CCNK: variants seen among roughly 807,000 people sequenced by gnomAD.
CCNK encodes the protein cyclin-K.
A neutral mutation model predicts 65.0 loss-of-function variants in CCNK; 9 were observed. That is an observed-to-expected ratio of 0.14 (90% CI 0.08 to 0.24). CCNK has a LOEUF of 0.24. Ranked by LOEUF, CCNK falls within the 10% of genes least tolerant of loss-of-function variation. The probability of loss-of-function intolerance (pLI) is 1.00; values close to 1 mark genes in which losing one functional copy is unlikely to be tolerated. For missense variants in CCNK, 474 were observed against 720.0 expected (o/e 0.66, Z 3.91); for synonymous variants, 279 against 270.8 (o/e 1.03, Z -0.30).
At chr14:99,481,816 A>C (rs915666256) in intron 1 of CCNK, among the ~76,000 whole-genome samples, 2 of 152,244 alleles carry the variant, frequency 1.3e-5, no homozygotes, top group Admixed American at 1.3e-4. Flanking sequence ...TCTCACAGCC[A>C]CAGACTTCTC....
At position 99,492,767 on chromosome 14, in the gene CCNK, C is replaced by T. The variant is rs1595308026; in HGVS notation, c.90C>T (p.Asp30=). 6.2e-7 allele frequency: 1 copy of T among 1,613,528 alleles called. No homozygotes were observed. Among genetic ancestry groups the T allele is most frequent in the East Asian group, 2.2e-5 (1 of 44,856 alleles). ...TKPCWYWDKK[D]LAHTPSQLEG... is the part of the protein sequence containing the mutation. ...CATGTTGGTACTGGGATAAGAAAGA[C>T]TTGGCTCATACACCCTCACAACTTG... The change falls in exon 2 of 11, where the codon GAC becomes GAT. Residue 30 remains aspartate (D), a synonymous_variant. Transcript: ENST00000389879.
intron 6 of CCNK, chr14:99,501,757 A>G (rs527591079): frequency 9.1e-5 from 24 of 263,972 alleles, no homozygotes; most frequent in Non-Finnish European, 1.4e-4. Flanking sequence ...GAGCCTTAAC[A>G]CTCTTTTGAG....
At chr14:99,486,326 G>A (rs764564177) in intron 1 of CCNK, among the ~76,000 whole-genome samples, 10 of 152,118 alleles carry the variant, frequency 6.6e-5, no homozygotes, top group South Asian at 2.1e-4. Context: ...GTGCATTCAA[G>A]TCTGTTTTAC....
At chr14:99,497,793 T>C (rs1338255416) in intron 4 of CCNK, among the ~76,000 whole-genome samples, 3 of 152,250 alleles carry the variant, frequency 2.0e-5, no homozygotes, top group African/African-American at 4.8e-5. Flanking sequence ...TTAACACTAG[T>C]ATTTTCTAAG....
intron 4 of CCNK, among the ~76,000 whole-genome samples, chr14:99,497,066 T>G (rs1482486427): frequency 4.0e-5 from 6 of 149,968 alleles, no homozygotes; most frequent in Non-Finnish European, 8.9e-5. Context: ...GTGGTACATT[T>G]GCTATGACTG....
chr14:99,486,311 C>A (rs201667347), intron 1 of CCNK, among the ~76,000 whole-genome samples: 2 of 152,148 alleles, frequency 1.3e-5, no homozygotes, highest in East Asian at 3.9e-4. Context: ...GTGGGTAAAT[C>A]ATAAGTGCAT....
rs1028181926 is a variant in CCNK, at chr14:99,481,431, C to G, written c.-101C>G. ...CCCGACATTCCATATACAAGATGGCCGCAGTCGGCAAGGAGAGACGTCGCT... is the reference window on the plus strand; with the variant it reads ...CCCGACATTCCATATACAAGATGGCGGCAGTCGGCAAGGAGAGACGTCGCT... On this transcript the variant is annotated 5_prime_UTR_variant, in exon 1 of 11. Transcript: ENST00000389879. 1.5e-5 allele frequency: 6 copies of G among 398,594 alleles called. No individual in the cohort carries two copies. The highest frequency in any genetic ancestry group is 2.7e-5 in the Non-Finnish European group (6 of 226,104). The allele number at this position is 398,594 out of a possible 1,614,324, so 24.7% of individuals were successfully genotyped here.
At chr14:99,503,250 G>GGTGTCGTTGCCGTGTCCTAGCA (rs1896885277) in intron 8 of CCNK, 2 of 645,664 alleles carry the variant, frequency 3.1e-6, no homozygotes, top group Admixed American at 2.3e-5. Context: ...GAAGCCTGTC[G>GGTGTCGTTGCCGTGTCCTAGCA]GTGTCGTTGC....
At chr14:99,500,676 A>G in intron 4 of CCNK, 90 bp from the exon 5 acceptor site, 1 of 840,156 alleles carries the variant, frequency 1.2e-6, no homozygotes, top group Non-Finnish European at 2.0e-6. Flanking sequence ...ACTTGAAGAG[A>G]GAATAAATAG....
At chr14:99,500,946 G>T in intron 5 of CCNK, 75 bp downstream of exon 5, 2 of 934,774 alleles carry the variant, frequency 2.1e-6, no homozygotes, top group Non-Finnish European at 3.3e-6. Flanking sequence ...CTCAAATTAC[G>T]CTTCTCAAAA....
At chr14:99,481,827 A>G (rs551287059) in intron 1 of CCNK, among the ~76,000 whole-genome samples, 1 of 152,326 alleles carries the variant, frequency 6.6e-6, no homozygotes, top group African/African-American at 2.4e-5. Context: ...CAGACTTCTC[A>G]TATCTCCCCG....
chr14:99,510,296 GCCCCCGCCCCCAC>G lies in CCNK; in HGVS notation c.1263_1275del (p.Pro423AlafsTer3). On this transcript the variant is annotated frameshift_variant, in exon 11 of 11. Coordinates refer to ENST00000389879, the MANE Select transcript of CCNK (RefSeq NM_001099402.2). LOFTEE classifies it high-confidence loss of function. ...ACCAGCCACCGCCGCTGCCACACCG[GCCCCCGCCCCCAC>G]CCCCCTCCAGCTACATGACCGGGAT... is the stretch of plus-strand genomic sequence containing the variant. 4 of 1,397,736 alleles carry G rather than the reference GCCCCCGCCCCCAC, an allele frequency of 2.9e-6. No homozygotes were observed. The highest frequency in any genetic ancestry group is 3.9e-6 in the Non-Finnish European group (4 of 1,038,270). The allele number at this position is 1,397,736 out of a possible 1,614,324, so 86.6% of individuals were successfully genotyped here.
chr14:99,505,329 C>T (rs1029751060), intron 9 of CCNK: 5 of 152,136 alleles, frequency 3.3e-5, no homozygotes, highest in African/African-American at 4.8e-5. Flanking sequence ...TGTGCCATGC[C>T]GAAGGCTACT....
chr14:99,492,821 G>A lies in CCNK; in HGVS notation c.144G>A (p.Arg48=). 1 of 1,611,340 alleles carries A rather than the reference G, an allele frequency of 6.2e-7. No individual in the cohort carries two copies. The highest frequency in any genetic ancestry group is 8.5e-7 in the Non-Finnish European group (1 of 1,179,240). ...GACTTGATCCAGCCACCGAGGCCCG[G>A]TACCGCCGAGAGGGCGCTCGGTTCA... ...LEGLDPATEA[R]YRREGARFIF... Residue 48 remains arginine (R), a synonymous_variant, in exon 2 of 11, where the codon CGG becomes CGA. Coordinates refer to ENST00000389879, the MANE Select transcript of CCNK (RefSeq NM_001099402.2).
In CCNK at chr14:99,501,820, G is replaced by A. The variant is rs77070984; in HGVS notation, c.576-387G>A. Reference sequence around the variant, plus strand: ...GTGGGAAACAGAATGCCTGTGAATGGAGTTGCTGCCAGCCCCATCCCACTG... The same window carrying A: ...GTGGGAAACAGAATGCCTGTGAATGAAGTTGCTGCCAGCCCCATCCCACTG... On this transcript the variant is annotated intron_variant, in intron 6 of 10. Transcript: ENST00000389879. The A allele has an allele frequency of 3.9e-3, 905 of 232,530 alleles. 10 individuals are homozygous for A. Among genetic ancestry groups the A allele is most frequent in the African/African-American group, 0.019 (832 of 43,482 alleles). The allele number at this position is 232,530 out of a possible 1,614,324, so 14.4% of individuals were successfully genotyped here.
chr14:99,495,596 T>A lies in CCNK; in HGVS notation c.378T>A (p.Asp126Glu), dbSNP rs368952076. The change falls in exon 4 of 11, where the codon GAT (aspartate) becomes GAA (glutamate). Residue 126 changes from aspartate to glutamate, a missense_variant. Transcript: ENST00000389879. ...IIKTARSLLNDVQFGQFGDDP... is the reference protein window; with the variant it reads ...IIKTARSLLNEVQFGQFGDDP... ...AAACAGCTCGTAGTTTATTAAATGATGTACAATTTGGCCAGTTTGGAGATG... is the reference window on the plus strand; with the variant it reads ...AAACAGCTCGTAGTTTATTAAATGAAGTACAATTTGGCCAGTTTGGAGATG... 2.2e-5 allele frequency: 35 copies of A among 1,611,488 alleles called. No individual in the cohort carries two copies. In the African/African-American group the frequency reaches 4.7e-4, roughly 21 times the overall value.
At chr14:99,501,231 C>A in intron 5 of CCNK, 125 bp from the exon 6 acceptor site, 1 of 682,902 alleles carries the variant, frequency 1.5e-6, no homozygotes, top group South Asian at 1.7e-5. Flanking sequence ...CCTTGTTTCC[C>A]ACGCAAAAGC....
intron 1 of CCNK, among the ~76,000 whole-genome samples, chr14:99,488,569 C>T (rs1217634069): frequency 6.6e-6 from 1 of 152,168 alleles, no homozygotes; most frequent in Non-Finnish European, 1.5e-5. Context: ...AAGAATACTA[C>T]ATAGGTAGGT....
intron 1 of CCNK, chr14:99,492,162 A>G (rs914884242): frequency 1.1e-4 from 17 of 153,014 alleles, no homozygotes; most frequent in African/African-American, 4.1e-4. Context: ...GAAAGTGCCT[A>G]CATGGAATAA....
Sources: allele counts gnomAD v4.1 joint callset (sites outside exome capture counted in the v4.1 genomes callset), GRCh38; gene constraint gnomAD v4.1.1; transcripts MANE v1.5; gene names NCBI Gene and HGNC (gene_info 2026-07-23, HGNC 2026-07-21).